Variants in ASTN2 observed in about 807,000 individuals in gnomAD.
ASTN2 encodes astrotactin 2, also known as astrotactin-2.
Under a neutral mutation model 139.8 loss-of-function variants are expected in ASTN2, and 54 were observed. The ratio of observed to expected loss-of-function variants is 0.39; its 90% CI spans 0.31 to 0.48. The LOEUF is 0.48. ASTN2 is among the 20% of genes least tolerant of loss of function. The pLI, the probability that ASTN2 is intolerant of heterozygous loss-of-function variation, is 0.95. For missense variants in ASTN2, 1,565 were observed against 1,725.1 expected (o/e 0.91, Z 1.64); for synonymous variants, 756 against 719.5 (o/e 1.05, Z -0.81).
At chr9:116,703,277 C>G (rs1178072692) in intron 16 of ASTN2, among the ~76,000 whole-genome samples, 1 of 150,464 alleles carries the variant, frequency 6.6e-6, no homozygotes, top group Non-Finnish European at 1.5e-5. Flanking sequence ...TAAATGTCTT[C>G]TTTTGAGAAG....
intron 16 of ASTN2, among the ~76,000 whole-genome samples, chr9:116,681,417 A>T (rs1227914436): frequency 1.3e-5 from 2 of 152,242 alleles, no homozygotes; most frequent in Non-Finnish European, 2.9e-5. Flanking sequence ...CATTGGTAGG[A>T]AGAATTAATA....
chr9:116,851,087 G>A (rs563502098), intron 11 of ASTN2, among the ~76,000 whole-genome samples: 1 of 152,166 alleles, frequency 6.6e-6, no homozygotes, highest in Admixed American at 6.5e-5. Flanking sequence ...TCAACTGTGG[G>A]TTGTCTAATA....
At chr9:117,138,189 AC>A (rs1377824284) in intron 4 of ASTN2, among the ~76,000 whole-genome samples, 1 of 152,232 alleles carries the variant, frequency 6.6e-6, no homozygotes, top group Admixed American at 6.5e-5. Context: ...CTGAACTACT[AC>A]TGTGGAAGAA....
chr9:116,977,555 C>G (rs1489859188), intron 7 of ASTN2, among the ~76,000 whole-genome samples: 2 of 152,054 alleles, frequency 1.3e-5, no homozygotes, highest in Admixed American at 1.3e-4. Context: ...AGTATATTCT[C>G]TCATTGGCCA....
intron 10 of ASTN2, among the ~76,000 whole-genome samples, chr9:116,876,060 G>A (rs1833287870): frequency 1.3e-5 from 2 of 152,210 alleles, no homozygotes; most frequent in African/African-American, 4.8e-5. Flanking sequence ...GATGGATCTG[G>A]GTAAAATAAA....
intron 2 of ASTN2, among the ~76,000 whole-genome samples, chr9:117,263,151 C>A (rs191914547): frequency 3.0e-4 from 46 of 152,248 alleles, no homozygotes; most frequent in African/African-American, 1.1e-3. Flanking sequence ...AATTATAGTT[C>A]GCCCAGATAC....
intron 7 of ASTN2, among the ~76,000 whole-genome samples, chr9:116,980,782 C>T (rs1356062640): frequency 2.6e-5 from 4 of 152,184 alleles, no homozygotes; most frequent in Admixed American, 1.3e-4. Flanking sequence ...AGCTAAATCT[C>T]CACTATTTGC....
intron 5 of ASTN2, among the ~76,000 whole-genome samples, chr9:117,065,407 A>G (rs1827906778): frequency 1.3e-5 from 2 of 152,144 alleles, no homozygotes; most frequent in South Asian, 4.1e-4. Context: ...CAGTATTAGT[A>G]TAGCCTCCAG....
chr9:117,004,282 G>A (rs899076220), intron 7 of ASTN2, among the ~76,000 whole-genome samples: 1 of 151,976 alleles, frequency 6.6e-6, no homozygotes, highest in Non-Finnish European at 1.5e-5. Context: ...ACCATGCCTG[G>A]CTAATTTTCG....
chr9:116,632,187 A>G (rs12339023), intron 17 of ASTN2, among the ~76,000 whole-genome samples: 6,963 of 34,330 alleles, frequency 0.2, 866 homozygotes, highest in Admixed American at 0.29. Flanking sequence ...AGAGAGAGGG[A>G]GAGAGAGAGA....
chr9:116,675,500 C>A (rs988459566), intron 16 of ASTN2, among the ~76,000 whole-genome samples: 1 of 152,114 alleles, frequency 6.6e-6, no homozygotes, highest in South Asian at 2.1e-4. Flanking sequence ...CTCTTTCCAA[C>A]TAGTAGGAAG....
At chr9:117,269,066 A>G (rs1019710980) in intron 2 of ASTN2, among the ~76,000 whole-genome samples, 32 of 152,186 alleles carry the variant, frequency 2.1e-4, no homozygotes, top group Non-Finnish European at 4.7e-4. Context: ...ATGGCTCAAT[A>G]AATGTTTGTT....
At chr9:117,272,029 A>T (rs1834077841) in intron 2 of ASTN2, among the ~76,000 whole-genome samples, 1 of 152,100 alleles carries the variant, frequency 6.6e-6, no homozygotes, top group Admixed American at 6.5e-5. Flanking sequence ...GGGGGCTCCA[A>T]CCCCACGTTT....
At chr9:116,905,818 G>T (rs1588399976) in intron 10 of ASTN2, among the ~76,000 whole-genome samples, 1 of 119,032 alleles carries the variant, frequency 8.4e-6, no homozygotes, top group African/African-American at 3.2e-5. Flanking sequence ...AGGGCACCCA[G>T]ATACACAGGG....
chr9:117,331,271 C>T (rs921825760), intron 1 of ASTN2, among the ~76,000 whole-genome samples: 6 of 152,052 alleles, frequency 3.9e-5, no homozygotes, highest in Non-Finnish European at 8.8e-5. Flanking sequence ...GCTTAGAGCC[C>T]GAGGTTTCCT....
chr9:116,912,190 A>T (rs2132422312), intron 10 of ASTN2, among the ~76,000 whole-genome samples: 1 of 152,340 alleles, frequency 6.6e-6, no homozygotes, highest in African/African-American at 2.4e-5. Flanking sequence ...GTGGAGAGAG[A>T]TTGCTTTGAA....
chr9:116,459,875 A>G (rs1012250292), intron 20 of ASTN2, among the ~76,000 whole-genome samples: 2 of 152,160 alleles, frequency 1.3e-5, no homozygotes, highest in Admixed American at 6.6e-5. Flanking sequence ...CAGAGTTATC[A>G]TATGACCCAG....
At chr9:116,816,264 C>T (rs1178779085) in intron 12 of ASTN2, among the ~76,000 whole-genome samples, 1 of 152,148 alleles carries the variant, frequency 6.6e-6, no homozygotes, top group Non-Finnish European at 1.5e-5. Flanking sequence ...AGGTAACTTG[C>T]CAAGGTCTTC....
intron 3 of ASTN2, among the ~76,000 whole-genome samples, chr9:117,148,909 A>G (rs751683357): frequency 2.0e-5 from 3 of 151,256 alleles, no homozygotes; most frequent in Non-Finnish European, 2.9e-5. Flanking sequence ...CGCAATATCA[A>G]CTCTTCCTTG....
Sources: allele counts gnomAD v4.1 joint callset (sites outside exome capture counted in the v4.1 genomes callset), GRCh38; gene constraint gnomAD v4.1.1; transcripts MANE v1.5; gene names NCBI Gene and HGNC (gene_info 2026-07-23, HGNC 2026-07-21).